Variants in RPA1 observed in about 807,000 individuals in gnomAD.
RPA1 encodes the protein replication protein A 70 kDa DNA-binding subunit.
RPA1 carries 49 observed loss-of-function variants against 83.0 expected under a neutral mutation model. The ratio of observed to expected loss-of-function variants is 0.59; its 90% confidence interval spans 0.47 to 0.75. The LOEUF is 0.75. RPA1 is among the 30% of genes least tolerant of loss of function. The probability of loss-of-function intolerance (pLI) is 0.00; values close to 1 mark genes in which losing one functional copy is unlikely to be tolerated. For missense variants in RPA1, 693 were observed against 776.1 expected, an observed-to-expected ratio of 0.89 and a Z score of 1.27; for synonymous variants, 279 against 281.8, an observed-to-expected ratio of 0.99 and a Z score of 0.10.
At chr17:1,856,034 A>G (rs1377194577) in intron 5 of RPA1, among the ~76,000 whole-genome samples, 1 of 152,142 alleles carries the variant, frequency 6.6e-6, no homozygotes, top group African/African-American at 2.4e-5. Flanking sequence ...TTTAAAAAAT[A>G]TATTTCCAGC....
intron 7 of RPA1, among the ~76,000 whole-genome samples, chr17:1,876,718 C>T (rs896275052): frequency 3.3e-5 from 5 of 152,114 alleles, no homozygotes; most frequent in Non-Finnish European, 7.3e-5. Flanking sequence ...GTGCCCTGTG[C>T]CTCCTTTTTC....
chr17:1,830,368 CGCTT>C (rs1911496072), intron 1 of RPA1, among the ~76,000 whole-genome samples: 1 of 152,190 alleles, frequency 6.6e-6, no homozygotes, highest in South Asian at 2.1e-4. Flanking sequence ...ACTAAATAAA[CGCTT>C]GCCTTTCTCT....
intron 5 of RPA1, among the ~76,000 whole-genome samples, chr17:1,863,820 T>C (rs1050427763): frequency 2.6e-5 from 4 of 152,218 alleles, no homozygotes; most frequent in African/African-American, 9.6e-5. Context: ...TTTTATTGTT[T>C]TACTAATCAG....
chr17:1,868,475 G>A (rs998785135), intron 5 of RPA1, among the ~76,000 whole-genome samples: 18 of 152,112 alleles, frequency 1.2e-4, no homozygotes, highest in Non-Finnish European at 1.5e-4. Context: ...CAAAATGTGC[G>A]TTGAAATTGT....
rs925337039 is a variant in RPA1 at position 1,838,171 on chromosome 17, G to T, written c.34-4632G>T. Among the ~76,000 whole-genome samples the T allele has an allele frequency of 3.4e-5, 5 of 148,882 alleles. No homozygotes were observed. In the South Asian group the frequency reaches 1.1e-3, roughly 32 times the overall value. ...CTGGGCGTGGTGGCAGGCACCTGTA[G>T]TCCCAGCTACTCGGGAGGCTGAGGC... On this transcript the variant is annotated intron_variant, in intron 1 of 16. Coordinates refer to ENST00000254719, the MANE Select transcript of RPA1 (RefSeq NM_002945.5).
chr17:1,897,696 G>A lies in RPA1; in HGVS notation c.*521G>A, dbSNP rs1287051947. The A allele has an allele frequency of 6.3e-6, 1 of 158,536 alleles. No individual in the cohort carries two copies. The highest frequency in any genetic ancestry group is 2.4e-5 in the African/African-American group (1 of 41,448). The allele number at this position is 158,536 out of a possible 1,614,324, so 9.8% of individuals were successfully genotyped here. A position where few individuals can be genotyped will look rare whatever the true frequency, so the allele number is the denominator to read the frequency against. ...CTAGAGGTGCTACATAGTTGGTAAT[G>A]CTTGGAATGGCAATAGGGTAGAATG... On this transcript the variant is annotated 3_prime_UTR_variant, in exon 17 of 17. Coordinates refer to ENST00000254719, the MANE Select transcript of RPA1 (RefSeq NM_002945.5).
At chr17:1,858,601 C>G (rs1222034896) in intron 5 of RPA1, among the ~76,000 whole-genome samples, 2 of 151,928 alleles carry the variant, frequency 1.3e-5, no homozygotes, top group Non-Finnish European at 2.9e-5. Context: ...GTAGCTGGGA[C>G]TATTGGTGTG....
chr17:1,866,791 A>G (rs189479465), intron 5 of RPA1, among the ~76,000 whole-genome samples: 3 of 152,294 alleles, frequency 2.0e-5, no homozygotes, highest in East Asian at 3.9e-4. Flanking sequence ...GAAATTATTC[A>G]TGCTGCTTCT....
rs543415265 is a variant in RPA1, at chr17:1,850,892, T to A, written c.273-2209T>A. Among the ~76,000 whole-genome samples, 166 of 150,292 alleles carry A rather than the reference T, an allele frequency of 1.1e-3. 1 individual carries two copies. Among genetic ancestry groups the A allele is most frequent in the African/African-American group, 3.9e-3 (159 of 40,874 alleles). On this transcript the variant is annotated intron_variant, in intron 4 of 16. Coordinates refer to ENST00000254719, the MANE Select transcript of RPA1 (RefSeq NM_002945.5). ...GGGTGACAGAGTGAGACTCTCTCTC[T>A]CAAAAAAAAAAATAAGAATTATCTT...
intron 1 of RPA1, among the ~76,000 whole-genome samples, chr17:1,835,889 A>G (rs981236519): frequency 6.6e-6 from 1 of 152,082 alleles, no homozygotes; most frequent in African/African-American, 2.4e-5. Flanking sequence ...TGGGGAGGCT[A>G]ATGCAGGAGG....
rs550673315 is a variant in RPA1, at chr17:1,872,755, G to A, written c.454+229G>A. 1.8e-3 allele frequency among the ~76,000 whole-genome samples: 266 copies of A among 145,056 alleles called. 1 individual carries two copies. The highest frequency in any genetic ancestry group is 6.5e-3 in the African/African-American group (254 of 39,150). On this transcript the variant is annotated intron_variant, in intron 6 of 16. Coordinates refer to ENST00000254719, the MANE Select transcript of RPA1 (RefSeq NM_002945.5). ...GGAAGTAGGGTCTTGCTCTGTCAGC[G>A]GGGCTGGAGTGCAGTGGAAGCATCA...
chr17:1,896,310 G>C (rs996298315), intron 16 of RPA1, among the ~76,000 whole-genome samples: 1 of 152,202 alleles, frequency 6.6e-6, no homozygotes, highest in Non-Finnish European at 1.5e-5. Context: ...GAGCTCGCCT[G>C]TGCAGCCTTC....
intron 5 of RPA1, among the ~76,000 whole-genome samples, chr17:1,869,538 CAAA>C (rs10543474): frequency 4.3e-4 from 63 of 146,920 alleles, no homozygotes; most frequent in South Asian, 1.3e-3. Context: ...GACTACGTCT[CAAA>C]AAAAAAAAAA....
chr17:1,838,402 G>T (rs1443591790), intron 1 of RPA1, among the ~76,000 whole-genome samples: 1 of 151,660 alleles, frequency 6.6e-6, no homozygotes. Context: ...TCAGGAGTTC[G>T]AGACCAGCCT....
intron 5 of RPA1, among the ~76,000 whole-genome samples, chr17:1,870,285 G>A (rs896437115): frequency 6.6e-6 from 1 of 152,140 alleles, no homozygotes; most frequent in African/African-American, 2.4e-5. Flanking sequence ...GGGCTTGATT[G>A]TTAAATATTC....
At chr17:1,883,697 A>G in intron 12 of RPA1, 115 bp from the exon 13 acceptor site, 1 of 1,353,284 alleles carries the variant, frequency 7.4e-7, no homozygotes. Context: ...GACCTGTGTG[A>G]AAGCTGGGCG....
intron 4 of RPA1, among the ~76,000 whole-genome samples, chr17:1,848,505 G>C (rs982893570): frequency 7.3e-5 from 11 of 150,450 alleles, no homozygotes; most frequent in Non-Finnish European, 5.9e-5. Context: ...CAGCTACTCG[G>C]GAGGCTGAGG....
At chr17:1,878,879 C>G (rs1597450679) in intron 8 of RPA1, 114 bp from the exon 9 acceptor site, 1 of 996,956 alleles carries the variant, frequency 1.0e-6, no homozygotes, top group East Asian at 2.4e-5. Context: ...GGCCACTGCT[C>G]TCAAGATGTC....
intron 5 of RPA1, among the ~76,000 whole-genome samples, chr17:1,865,631 T>G (rs1392341222): frequency 6.6e-6 from 1 of 152,174 alleles, no homozygotes; most frequent in East Asian, 1.9e-4. Context: ...TGCCACCCAC[T>G]GCTGCCCTCT....
Sources: allele counts gnomAD v4.1 joint callset (sites outside exome capture counted in the v4.1 genomes callset), GRCh38; gene constraint gnomAD v4.1.1; transcripts MANE v1.5; gene names NCBI Gene and HGNC (gene_info 2026-07-23, HGNC 2026-07-21).